The following AGPAT3 variants were observed in gnomAD, a reference collection of about 807,000 sequenced individuals.
AGPAT3 encodes the protein 1-acyl-sn-glycerol-3-phosphate acyltransferase gamma.
AGPAT3 carries 5 observed loss-of-function variants against 47.3 expected under a neutral mutation model. The ratio of observed to expected loss-of-function variants is 0.11; its 90% CI spans 0.06 to 0.22. The LOEUF (loss-of-function observed/expected upper bound fraction) is 0.22. Among genes scored for constraint, AGPAT3 ranks in the 10% least tolerant of loss-of-function variants. AGPAT3 has a pLI of 1.00. For missense variants in AGPAT3, 315 were observed against 493.0 expected (o/e 0.64, Z 3.42); for synonymous variants, 212 against 208.3 (o/e 1.02, Z -0.15).
At chr21:43,945,304 C>T (rs1441897979) in intron 2 of AGPAT3, among the ~76,000 whole-genome samples, 5 of 152,198 alleles carry the variant, frequency 3.3e-5, no homozygotes, top group African/African-American at 1.2e-4. Context: ...AGGAGAGACA[C>T]ACAGCCCATC....
chr21:43,911,825 G>A lies in AGPAT3; in HGVS notation c.-49+7806G>A, dbSNP rs3788077. 4.4e-4 allele frequency among the ~76,000 whole-genome samples: 67 copies of A among 152,346 alleles called. No individual in the cohort carries two copies. In the East Asian group the frequency reaches 0.01, roughly 24 times the overall value. ...CTCTGAAGTGCAGGCCAGCAGAGAC[G>A]GGGGCGGTGGCTTTCGTCTGACCAT... On this transcript the variant is annotated intron_variant, in intron 2 of 9. Coordinates refer to ENST00000291572, the MANE Select transcript of AGPAT3 (RefSeq NM_020132.5).
intron 7 of AGPAT3, 129 bp downstream of exon 7, chr21:43,971,619 A>G: frequency 1.2e-6 from 1 of 802,034 alleles, no homozygotes; most frequent in Non-Finnish European, 2.0e-6. Context: ...ACTCACACGG[A>G]AGGCCTGTCT....
intron 1 of AGPAT3, among the ~76,000 whole-genome samples, chr21:43,878,834 G>A (rs967850339): frequency 6.6e-6 from 1 of 151,016 alleles, no homozygotes; most frequent in East Asian, 2.0e-4. Flanking sequence ...TCCACCTCCC[G>A]GGTTCAAGCG....
At position 43,884,450 on chromosome 21, in the gene AGPAT3, G is replaced by C. The variant is rs537269224; in HGVS notation, c.-112+19105G>C. Among the ~76,000 whole-genome samples, 79 of 152,234 alleles carry C rather than the reference G, an allele frequency of 5.2e-4. 1 individual carries two copies. The highest frequency in any genetic ancestry group is 5.8e-4 in the East Asian group (3 of 5,184). On this transcript the variant is annotated intron_variant, in intron 1 of 9. Transcript: ENST00000291572. ...GCGGAGCATGGCCCTTTCCTAATCCGAAAGAGCCGCACAGTCCCTTCCAGT... is the reference window on the plus strand; with the variant it reads ...GCGGAGCATGGCCCTTTCCTAATCCCAAAGAGCCGCACAGTCCCTTCCAGT...
chr21:43,896,035 C>T lies in AGPAT3; in HGVS notation c.-111-7922C>T, dbSNP rs143211903. ...CACCCACCTTAGTCTCCCAGAGTGC[C>T]GAGATTACAGGCATGAGCCACTGCG... On this transcript the variant is annotated intron_variant, in intron 1 of 9. Coordinates refer to ENST00000291572, the MANE Select transcript of AGPAT3 (RefSeq NM_020132.5). 4.9e-3 allele frequency among the ~76,000 whole-genome samples: 740 copies of T among 152,004 alleles called. 5 individuals are homozygous for T. The highest frequency in any genetic ancestry group is 0.016 in the African/African-American group (675 of 41,432).
Position 43,934,812 on chromosome 21 carries a change from A to G in AGPAT3, c.-48-24822A>G, listed in dbSNP as rs1379294133. ...CACTCACACGCCACCCATGCCACCC[A>G]CACCACCTCTACCCCTCACGTCACC... is the stretch of plus-strand genomic sequence containing the variant. On this transcript the variant is annotated intron_variant, in intron 2 of 9. Coordinates refer to ENST00000291572, the MANE Select transcript of AGPAT3 (RefSeq NM_020132.5). This position sits in a 1 kb window ranked among gnomAD's most constrained non-coding sequence, Gnocchi z 4.7. 6.7e-6 allele frequency among the ~76,000 whole-genome samples: 1 copy of G among 148,412 alleles called. No individual in the cohort carries two copies. The highest frequency in any genetic ancestry group is 2.5e-5 in the African/African-American group (1 of 39,886).
At chr21:43,905,205 ATTTT>A (rs924068097) in intron 2 of AGPAT3, among the ~76,000 whole-genome samples, 1 of 117,346 alleles carries the variant, frequency 8.5e-6, no homozygotes, top group African/African-American at 3.2e-5. Flanking sequence ...TTATTTATTT[ATTTT>A]GAGACAGTCT....
Position 43,908,353 on chromosome 21 carries a change from A to C in AGPAT3, c.-49+4334A>C, listed in dbSNP as rs886213594. ...CAAGTTCACACATGGCCACCTGCCA[A>C]CCTGACCTGTGTGTTGAGCCCCGGC... On this transcript the variant is annotated intron_variant, in intron 2 of 9. Coordinates refer to ENST00000291572, the MANE Select transcript of AGPAT3 (RefSeq NM_020132.5). This position sits in a 1 kb window ranked among gnomAD's most constrained non-coding sequence, Gnocchi z 4.9. Among the ~76,000 whole-genome samples, 3 of 152,112 alleles carry C rather than the reference A, an allele frequency of 2.0e-5. No individual in the cohort carries two copies. Among genetic ancestry groups the C allele is most frequent in the African/African-American group, 7.2e-5 (3 of 41,422 alleles).
chr21:43,926,334 C>A (rs111564037), intron 2 of AGPAT3, among the ~76,000 whole-genome samples: 1 of 152,218 alleles, frequency 6.6e-6, no homozygotes, highest in African/African-American at 2.4e-5. Context: ...CCGTCCTTGG[C>A]TGAACAAGCT....
intron 1 of AGPAT3, among the ~76,000 whole-genome samples, chr21:43,894,395 ATTTTTT>A (rs369924470): frequency 7.3e-6 from 1 of 137,076 alleles, no homozygotes; most frequent in African/African-American, 2.6e-5. Context: ...TGGGTTTTCT[ATTTTTT>A]TTTTTTGGTA....
At chr21:43,953,130 G>T (rs979705355) in intron 2 of AGPAT3, among the ~76,000 whole-genome samples, 1 of 152,212 alleles carries the variant, frequency 6.6e-6, no homozygotes, top group Non-Finnish European at 1.5e-5. Flanking sequence ...AGGGTGTGGG[G>T]CACGCCGCAG....
At chr21:43,881,979 A>G (rs1369088876) in intron 1 of AGPAT3, among the ~76,000 whole-genome samples, 5 of 152,212 alleles carry the variant, frequency 3.3e-5, no homozygotes, top group Non-Finnish European at 7.3e-5. Flanking sequence ...TTTTTTGCCA[A>G]TTTCTTTTTA....
intron 2 of AGPAT3, among the ~76,000 whole-genome samples, chr21:43,938,117 G>GACACACACAC (rs60019728): frequency 6.8e-5 from 10 of 147,482 alleles, no homozygotes; most frequent in African/African-American, 2.5e-4. Context: ...CACACACACA[G>GACACACACAC]ACACACACAC....
At chr21:43,964,616 A>T (rs2089036351) in intron 3 of AGPAT3, among the ~76,000 whole-genome samples, 1 of 152,258 alleles carries the variant, frequency 6.6e-6, no homozygotes. Context: ...AATGCAAGAA[A>T]GTAGAAAGAA....
intron 2 of AGPAT3, among the ~76,000 whole-genome samples, chr21:43,929,389 C>T (rs902157072): frequency 6.6e-5 from 10 of 152,246 alleles, no homozygotes; most frequent in African/African-American, 2.4e-4. Context: ...GCCATCACCA[C>T]ACACTCCTGG....
At position 43,934,799 on chromosome 21, in the gene AGPAT3, AC is replaced by A. The variant is rs767868374; in HGVS notation, c.-48-24832del. ...ACGCCACCCACGCCACTCACACGCC[AC>A]CCATGCCACCCACACCACCTCTACC... On this transcript the variant is annotated intron_variant, in intron 2 of 9. Transcript: ENST00000291572. This position sits in a 1 kb window ranked among gnomAD's most constrained non-coding sequence, Gnocchi z 4.7. Among the ~76,000 whole-genome samples the A allele has an allele frequency of 1.3e-5, 2 of 150,494 alleles. No individual in the cohort carries two copies. The highest frequency in any genetic ancestry group is 3.0e-5 in the Non-Finnish European group (2 of 67,580).
chr21:43,910,558 G>T (rs1318694306), intron 2 of AGPAT3, among the ~76,000 whole-genome samples: 1 of 152,228 alleles, frequency 6.6e-6, no homozygotes, highest in African/African-American at 2.4e-5. Context: ...TGAAGGTGGA[G>T]CGGAGGGCCG....
At chr21:43,975,861 C>T (rs1055278883) in intron 7 of AGPAT3, among the ~76,000 whole-genome samples, 4 of 152,198 alleles carry the variant, frequency 2.6e-5, no homozygotes, top group African/African-American at 9.7e-5. Context: ...ACGGGGCCGC[C>T]CTTCCTTAGC....
intron 2 of AGPAT3, among the ~76,000 whole-genome samples, chr21:43,945,300 G>C (rs531827516): frequency 1.3e-5 from 2 of 152,280 alleles, no homozygotes; most frequent in African/African-American, 2.4e-5. Flanking sequence ...TTTCAGGAGA[G>C]ACACACAGCC....
Sources: allele counts gnomAD v4.1 joint callset (sites outside exome capture counted in the v4.1 genomes callset), GRCh38; gene constraint gnomAD v4.1.1; non-coding constraint Gnocchi (gnomAD v3.1); transcripts MANE v1.5; gene names NCBI Gene and HGNC (gene_info 2026-07-23, HGNC 2026-07-21).